MS4A18: variants seen among roughly 807,000 people sequenced by gnomAD.
MS4A18 encodes the protein membrane-spanning 4-domains subfamily A member 18.
A neutral mutation model predicts 13.1 loss-of-function variants in MS4A18; 27 were observed. That is an observed-to-expected ratio of 2.06 (90% confidence interval 1.52 to 2.84). The LOEUF (loss-of-function observed/expected upper bound fraction) is 2.84. MS4A18 is among the 30% of genes most tolerant of loss of function. The probability of loss-of-function intolerance (pLI) is 0.00; values close to 1 mark genes in which losing one functional copy is unlikely to be tolerated. For synonymous variants in MS4A18, 126 were observed against 76.5 expected (o/e 1.65, Z -3.38); for missense variants, 307 against 196.4 (o/e 1.56, Z -3.37).
chr11:60,729,461 T>C (rs1455394336), exon 1 of MS4A18: 1 of 702,794 alleles, frequency 1.4e-6, no homozygotes, highest in East Asian at 2.7e-5. Context: ...TCACCAAAAG[T>C]AATCCACTGT....
At chr11:60,740,471 T>C (rs1315772344) in intron 4 of MS4A18, among the ~76,000 whole-genome samples, 2 of 152,156 alleles carry the variant, frequency 1.3e-5, no homozygotes, top group Admixed American at 1.3e-4. Flanking sequence ...GGAAGAGGGC[T>C]GAGAAAGCCA....
At chr11:60,744,719 C>T (rs180755506), downstream of MS4A18, among the ~76,000 whole-genome samples, 5 of 152,242 alleles carry the variant, frequency 3.3e-5, no homozygotes, top group African/African-American at 9.6e-5. Context: ...AACAGAGGCT[C>T]TAACAAAGAG....
intron 3 of MS4A18, 34 bp downstream of exon 4, chr11:60,737,068 AT>A (rs1853353533): frequency 4.3e-6 from 3 of 700,294 alleles, no homozygotes; most frequent in Non-Finnish European, 7.8e-6. Flanking sequence ...TGATCCTTGA[AT>A]GTTAGAATTT....
At chr11:60,730,912 G>A (rs1853243989) in intron 1 of MS4A18, among the ~76,000 whole-genome samples, 1 of 152,142 alleles carries the variant, frequency 6.6e-6, no homozygotes, top group Non-Finnish European at 1.5e-5. Flanking sequence ...GGCTAACATG[G>A]TGAAACCCTG....
intron 1 of MS4A18, among the ~76,000 whole-genome samples, chr11:60,730,905 T>C (rs560355926): frequency 1.3e-5 from 2 of 152,258 alleles, no homozygotes; most frequent in African/African-American, 2.4e-5. Flanking sequence ...CCATCCTGGC[T>C]AACATGGTGA....
intron 1 of MS4A18, 147 bp from the exon 3 acceptor site, chr11:60,733,387 G>A: frequency 1.6e-6 from 1 of 622,906 alleles, no homozygotes; most frequent in East Asian, 2.7e-5. Flanking sequence ...CCTACCCTCA[G>A]AGATTTGTAT....
At chr11:60,730,100 G>A (rs931346553) in intron 1 of MS4A18, among the ~76,000 whole-genome samples, 1 of 152,192 alleles carries the variant, frequency 6.6e-6, no homozygotes, top group South Asian at 2.1e-4. Flanking sequence ...ACTGAGCAGG[G>A]AGTCAGGCAA....
At chr11:60,732,730 CAAA>C (rs200295786) in intron 1 of MS4A18, among the ~76,000 whole-genome samples, 16 of 71,000 alleles carry the variant, frequency 2.3e-4, no homozygotes, top group East Asian at 1.3e-3. Context: ...GACTCCGTCT[CAAA>C]AAAAAAAAAA....
chr11:60,734,463 G>T (rs1030610906), intron 2 of MS4A18, among the ~76,000 whole-genome samples: 41 of 152,146 alleles, frequency 2.7e-4, no homozygotes, highest in Non-Finnish European at 2.5e-4. Flanking sequence ...CTCCAAATCA[G>T]GGCCCTTCCC....
At chr11:60,737,065 TGAA>T in intron 3 of MS4A18, 31 bp downstream of exon 4, 1 of 701,668 alleles carries the variant, frequency 1.4e-6, no homozygotes, top group Admixed American at 2.0e-5. Context: ...TGATGATCCT[TGAA>T]TGTTAGAATT....
At chr11:60,741,297 A>G (rs778075527) in intron 5 of MS4A18, among the ~76,000 whole-genome samples, 154 bp downstream of exon 6, 3 of 152,148 alleles carry the variant, frequency 2.0e-5, no homozygotes, top group African/African-American at 4.8e-5. Flanking sequence ...GAACTTAGTG[A>G]CTTCCGGTTA....
exon 2 of MS4A18, chr11:60,733,544 T>A (rs957866744): frequency 1.1e-5 from 8 of 703,262 alleles, no homozygotes; most frequent in South Asian, 5.9e-5. Context: ...GCCATCCAGA[T>A]CCTCATCGGC....
intron 2 of MS4A18, among the ~76,000 whole-genome samples, chr11:60,735,581 C>G (rs1472612020): frequency 6.7e-6 from 1 of 149,844 alleles, no homozygotes; most frequent in Admixed American, 6.7e-5. Flanking sequence ...TTGTGATCCA[C>G]CCGCCTCGGC....
intron 5 of MS4A18, among the ~76,000 whole-genome samples, chr11:60,742,773 T>C (rs1477311096): frequency 6.6e-6 from 1 of 152,242 alleles, no homozygotes; most frequent in Non-Finnish European, 1.5e-5. Flanking sequence ...TAAATACCAC[T>C]TGCAAACTAA....
chr11:60,741,081 T>G (rs2134681912), exon 5 of MS4A18: 2 of 703,028 alleles, frequency 2.8e-6, no homozygotes, highest in East Asian at 2.7e-5. Context: ...CCTCCTGGAG[T>G]TCATCCTCAC....
upstream of MS4A18, among the ~76,000 whole-genome samples, chr11:60,725,747 C>T (rs1853148167): frequency 6.6e-6 from 1 of 152,156 alleles, no homozygotes; most frequent in Non-Finnish European, 1.5e-5. Context: ...CAAATCTCAA[C>T]TTCAGCATTT....
At chr11:60,738,630 A>G (rs1311518184) in intron 3 of MS4A18, among the ~76,000 whole-genome samples, 1 of 152,164 alleles carries the variant, frequency 6.6e-6, no homozygotes, top group Non-Finnish European at 1.5e-5. Context: ...TACCTGGGTT[A>G]TGAAATAATC....
chr11:60,729,315 C>T lies in MS4A18; in HGVS notation c.-1C>T, dbSNP rs77793415. On this transcript the variant is annotated 5_prime_UTR_variant, in exon 1 of 6. Coordinates refer to ENST00000529108, the Ensembl canonical transcript of MS4A18. ...TATGTGTTTTGCAGCAGTTGTACAC[C>T]ATGACCGAACAGGTGATTGGAGCCA... The T allele has an allele frequency of 6.9e-3, 4,833 of 701,382 alleles. 34 individuals are homozygous for T. The highest frequency in any genetic ancestry group is 0.01 in the Non-Finnish European group (3,942 of 383,732). The allele number at this position is 701,382 out of a possible 1,614,324, so 43.4% of individuals were successfully genotyped here. A position where few individuals can be genotyped will look rare whatever the true frequency, so the allele number is the denominator to read the frequency against.
chr11:60,739,816 T>C (rs756605747), intron 4 of MS4A18, among the ~76,000 whole-genome samples: 1 of 152,206 alleles, frequency 6.6e-6, no homozygotes, highest in Non-Finnish European at 1.5e-5. Flanking sequence ...ATTGACACAG[T>C]ACTTGAGGAG....
Sources: allele counts gnomAD v4.1 joint callset (sites outside exome capture counted in the v4.1 genomes callset), GRCh38; gene constraint gnomAD v4.1.1; transcripts MANE v1.5; gene names NCBI Gene and HGNC (gene_info 2026-07-23, HGNC 2026-07-21).